ISG20: variants seen among roughly 807,000 people sequenced by gnomAD.
ISG20 encodes the protein interferon stimulated exonuclease gene 20.
ISG20 carries 8 observed loss-of-function variants against 11.1 expected under a neutral mutation model. The ratio of observed to expected loss-of-function variants is 0.72; its 90% CI spans 0.42 to 1.30. The LOEUF is 1.30. ISG20 is among the 50% of genes most tolerant of loss of function. The pLI is 0.01. For synonymous variants in ISG20, 110 were observed against 101.7 expected (o/e 1.08, Z -0.49); for missense variants, 243 against 250.2 (o/e 0.97, Z 0.19).
At position 88,639,989 on chromosome 15, in the gene ISG20, C is replaced by G. The variant is rs974483707; in HGVS notation, c.228+395C>G. ...CTCTGGCAAGAGGCTTTGGCCCTCC[C>G]AGTCCTGGAGAACAGGCTGAGCCTC... On this transcript the variant is annotated intron_variant, in intron 2 of 3. Transcript: ENST00000306072. The surrounding 1 kb of genome is among the most constrained non-coding windows in gnomAD (Gnocchi z 4.2). 6.6e-6 allele frequency among the ~76,000 whole-genome samples: 1 copy of G among 152,230 alleles called. No homozygotes were observed. The highest frequency in any genetic ancestry group is 2.4e-5 in the African/African-American group (1 of 41,446).
At chr15:88,652,075 G>A in intron 2 of ISG20, 35 bp from the exon 3 acceptor site, 1 of 1,613,426 alleles carries the variant, frequency 6.2e-7, no homozygotes, top group Non-Finnish European at 8.5e-7. Flanking sequence ...AAGATGCTGG[G>A]TCATGTAGGG....
upstream of ISG20, among the ~76,000 whole-genome samples, chr15:88,638,583 C>G (rs1329870180): frequency 1.3e-5 from 2 of 152,228 alleles, no homozygotes; most frequent in Non-Finnish European, 2.9e-5. Flanking sequence ...CAATAAAAGC[C>G]TGTATGTCCC....
At chr15:88,638,627 T>C (rs1170325850), upstream of ISG20, 1 of 152,464 alleles carries the variant, frequency 6.6e-6, no homozygotes, top group Non-Finnish European at 1.5e-5. Context: ...AAGAGACCAC[T>C]GAGTATCAGA....
chr15:88,652,001 T>A, intron 2 of ISG20, 109 bp from the exon 3 acceptor site: 1 of 1,544,310 alleles, frequency 6.5e-7, no homozygotes, highest in Non-Finnish European at 8.7e-7. Flanking sequence ...GACTGATAAT[T>A]TGCCCAAGGT....
Position 88,650,122 on chromosome 15 carries a change from G to T in ISG20, c.229-1988G>T. The T allele has an allele frequency of 3.6e-6, 3 of 845,038 alleles. No individual in the cohort carries two copies. The highest frequency in any genetic ancestry group is 5.8e-6 in the Non-Finnish European group (3 of 519,290). 52.3% of individuals were successfully genotyped at this position (845,038 alleles called of 1,614,324 possible). A position where few individuals can be genotyped will look rare whatever the true frequency, so the allele number is the denominator to read the frequency against. On this transcript the variant is annotated intron_variant, in intron 2 of 3. Coordinates refer to ENST00000306072, the MANE Select transcript of ISG20 (RefSeq NM_002201.6). This position sits in a 1 kb window ranked among gnomAD's most constrained non-coding sequence, Gnocchi z 4.0. ...TTCCTGGTGTACAGGCTAAGGTCGTGGGCTACATGCAGAGAAGGAGACGAA... is the reference window on the plus strand; with the variant it reads ...TTCCTGGTGTACAGGCTAAGGTCGTTGGCTACATGCAGAGAAGGAGACGAA...
chr15:88,636,914 T>C (rs549529689), upstream of ISG20, among the ~76,000 whole-genome samples: 21 of 152,214 alleles, frequency 1.4e-4, no homozygotes, highest in African/African-American at 2.9e-4. Flanking sequence ...CCAGGCCACA[T>C]TGGAAGACCT....
upstream of ISG20, chr15:88,636,366 G>C (rs1035998385): frequency 7.9e-5 from 12 of 152,218 alleles, no homozygotes; most frequent in African/African-American, 2.7e-4. Context: ...GGTGCCTGGC[G>C]TCCAACATCA....
In ISG20 at chr15:88,652,166, C is replaced by T. The variant is rs1048534253; in HGVS notation, c.285C>T (p.Phe95=). The T allele has an allele frequency of 2.5e-6, 4 of 1,613,976 alleles. No individual in the cohort carries two copies. The highest frequency in any genetic ancestry group is 2.7e-5 in the African/African-American group (2 of 74,912). Residue 95 remains phenylalanine, a synonymous_variant, in exon 3 of 4, where the codon TTC becomes TTT. Transcript: ENST00000306072. ...TGGGTCATGACCTGAAGCACGACTTCCAGGCACTGAAAGAGGACATGAGCG... is the reference window on the plus strand; with the variant it reads ...TGGGTCATGACCTGAAGCACGACTTTCAGGCACTGAAAGAGGACATGAGCG... ...LVVGHDLKHD[F]QALKEDMSGY... is the part of the protein sequence containing the mutation.
chr15:88,642,322 C>G (rs2058095587), intron 2 of ISG20, among the ~76,000 whole-genome samples: 1 of 152,344 alleles, frequency 6.6e-6, no homozygotes, highest in East Asian at 1.9e-4. Flanking sequence ...CTAATTCTAT[C>G]TGCAACGACC....
chr15:88,639,325 C>G lies in ISG20; in HGVS notation c.-24-18C>G. 6.6e-7 allele frequency: 1 copy of G among 1,504,404 alleles called. No individual in the cohort carries two copies. The highest frequency in any genetic ancestry group is 9.1e-7 in the Non-Finnish European group (1 of 1,100,512). 93.2% of individuals were successfully genotyped at this position (1,504,404 alleles called of 1,614,324 possible). A position where few individuals can be genotyped will look rare whatever the true frequency, so the allele number is the denominator to read the frequency against. ...GTTTGCCCAAGCGTGAGACCGCCCC[C>G]CATACCCCTCTCTCCAGCATCTCTG... On this transcript the variant is annotated intron_variant, in intron 1 of 3. Coordinates refer to ENST00000306072, the MANE Select transcript of ISG20 (RefSeq NM_002201.6). The surrounding 1 kb of genome is among the most constrained non-coding windows in gnomAD (Gnocchi z 4.2).
At chr15:88,651,172 T>C in intron 2 of ISG20, 2 of 980,058 alleles carry the variant, frequency 2.0e-6, no homozygotes, top group South Asian at 9.4e-5. Context: ...TTAAGAAGAG[T>C]GTCAAGGAAT....
intron 2 of ISG20, among the ~76,000 whole-genome samples, chr15:88,646,110 G>A (rs943701140): frequency 6.6e-6 from 1 of 152,226 alleles, no homozygotes; most frequent in Non-Finnish European, 1.5e-5. Context: ...TGGGCTGCAT[G>A]TGGATCCAAT....
Position 88,639,425 on chromosome 15 carries a change from A to T in ISG20, c.59A>T (p.His20Leu). ...MDCEMVGLGP[H>L]RESGLARCSL... The stretch of plus-strand genomic sequence containing the variant: ...TGCGAGATGGTGGGGCTGGGGCCCC[A>T]CCGGGAGAGTGGCCTGGCTCGTTGC... The change falls in exon 2 of 4, where the codon CAC (histidine) becomes CTC (leucine). Residue 20 changes from histidine (H) to leucine (L), a missense_variant. Coordinates refer to ENST00000306072, the MANE Select transcript of ISG20 (RefSeq NM_002201.6). This position sits in a 1 kb window ranked among gnomAD's most constrained non-coding sequence, Gnocchi z 4.2. The T allele has an allele frequency of 6.2e-7, 1 of 1,605,718 alleles. No individual in the cohort carries two copies. The highest frequency in any genetic ancestry group is 1.1e-5 in the South Asian group (1 of 90,866).
At chr15:88,654,835 G>C (rs2058348277) in intron 3 of ISG20, among the ~76,000 whole-genome samples, 1 of 152,140 alleles carries the variant, frequency 6.6e-6, no homozygotes, top group South Asian at 2.1e-4. Context: ...ACCCCATAAA[G>C]TCTAGGCTCC....
chr15:88,639,403 G>C lies in ISG20; in HGVS notation c.37G>C (p.Glu13Gln). The stretch of plus-strand genomic sequence containing the variant: ...CCGTGAGGTGGTGGCCATGGACTGC[G>C]AGATGGTGGGGCTGGGGCCCCACCG... ...GSREVVAMDCEMVGLGPHRES... is the reference protein window; with the variant it reads ...GSREVVAMDCQMVGLGPHRES... Residue 13 changes from glutamate (E) to glutamine (Q), a missense_variant, in exon 2 of 4, where the codon GAG becomes CAG. By Grantham distance (29) the Glu-to-Gln change is conservative (BLOSUM62 2). Coordinates refer to ENST00000306072, the MANE Select transcript of ISG20 (RefSeq NM_002201.6). The surrounding 1 kb of genome is among the most constrained non-coding windows in gnomAD (Gnocchi z 4.2). The C allele has an allele frequency of 6.2e-7, 1 of 1,613,772 alleles. No individual in the cohort carries two copies. Among genetic ancestry groups the C allele is most frequent in the Non-Finnish European group, 8.5e-7 (1 of 1,179,892 alleles).
intron 3 of ISG20, among the ~76,000 whole-genome samples, chr15:88,654,584 C>T (rs1050081303): frequency 1.3e-5 from 2 of 152,046 alleles, no homozygotes; most frequent in African/African-American, 2.4e-5. Context: ...GCGGGGCATG[C>T]GAAGGGAGAT....
intron 3 of ISG20, among the ~76,000 whole-genome samples, chr15:88,652,514 TCCTTCCCCTCCTC>T: frequency 1.2e-4 from 1 of 8,652 alleles, no homozygotes; most frequent in African/African-American, 4.9e-4. Context: ...CTTCCCCTCC[TCCTTCCCCTCCTC>T]CCCCTTCCCC....
At chr15:88,636,640 T>C (rs982571383), upstream of ISG20, among the ~76,000 whole-genome samples, 1 of 152,164 alleles carries the variant, frequency 6.6e-6, no homozygotes, top group African/African-American at 2.4e-5. Flanking sequence ...CTGGGTGCAA[T>C]TGATCCTCCC....
chr15:88,639,470 G>A lies in ISG20; in HGVS notation c.104G>A (p.Gly35Asp). The A allele has an allele frequency of 6.2e-7, 1 of 1,614,164 alleles. No individual in the cohort carries two copies. Among genetic ancestry groups the A allele is most frequent in the Non-Finnish European group, 8.5e-7 (1 of 1,179,992 alleles). Reference protein sequence around the residue: ...LARCSLVNVHGAVLYDKFIRP... With the variant: ...LARCSLVNVHDAVLYDKFIRP... ...CGTTGCAGCCTCGTGAACGTCCACG[G>A]TGCTGTGCTGTACGACAAGTTCATC... The change falls in exon 2 of 4, where the codon GGT (glycine) becomes GAT (aspartate). Residue 35 changes from glycine to aspartate, a missense_variant. Physicochemically the swap from Gly to Asp is moderately conservative, Grantham distance 94 (BLOSUM62 -1). Coordinates refer to ENST00000306072, the MANE Select transcript of ISG20 (RefSeq NM_002201.6). The surrounding 1 kb of genome is among the most constrained non-coding windows in gnomAD (Gnocchi z 4.2).
Sources: allele counts gnomAD v4.1 joint callset (sites outside exome capture counted in the v4.1 genomes callset), GRCh38; gene constraint gnomAD v4.1.1; non-coding constraint Gnocchi (gnomAD v3.1); transcripts MANE v1.5; gene names NCBI Gene and HGNC (gene_info 2026-07-23, HGNC 2026-07-21).